CLEC2D: variants seen among roughly 807,000 people sequenced by gnomAD.
CLEC2D encodes C-type lectin related f.
In CLEC2D, 16 loss-of-function variants were observed where a neutral mutation model predicts 20.0. The observed-to-expected ratio is 0.80, with a 90% confidence interval of 0.54 to 1.22. The LOEUF is 1.22. Ranked by LOEUF, CLEC2D falls within the 50% of genes most tolerant of loss-of-function variation. CLEC2D has a pLI of 0.00. For missense variants in CLEC2D, 207 were observed against 221.5 expected (o/e 0.93, Z 0.42); for synonymous variants, 77 against 71.1 (o/e 1.08, Z -0.42).
At position 9,695,094 on chromosome 12, in the gene CLEC2D, G is replaced by A. The variant is rs913867839; in HGVS notation, c.*220G>A. 3.5e-6 allele frequency: 2 copies of A among 576,268 alleles called. No individual in the cohort carries two copies. The highest frequency in any genetic ancestry group is 1.9e-5 in the African/African-American group (1 of 53,334). The allele number at this position is 576,268 out of a possible 1,614,324, so 35.7% of individuals were successfully genotyped here. On this transcript the variant is annotated 3_prime_UTR_variant, in exon 5 of 5. Coordinates refer to ENST00000290855, the MANE Select transcript of CLEC2D (RefSeq NM_013269.6). ...CTCCCACTGCTAATGACATACCCGA[G>A]ACTGAGTAATTTATAAATAAAAGAG...
At chr12:9,680,252 G>GT (rs1216344115) in intron 1 of CLEC2D, 5 of 313,362 alleles carry the variant, frequency 1.6e-5, no homozygotes, top group Middle Eastern at 1.0e-3. Flanking sequence ...CACCATTATT[G>GT]TAAGTTTCCT....
Position 9,693,873 on chromosome 12 carries a change from G to A in CLEC2D, c.462-887G>A, listed in dbSNP as rs181196264. The A allele has an allele frequency of 1.8e-3, 770 of 422,434 alleles. 1 individual carries two copies. Among genetic ancestry groups the A allele is most frequent in the Non-Finnish European group, 2.6e-3 (547 of 212,678 alleles). 26.2% of individuals were successfully genotyped at this position (422,434 alleles called of 1,614,324 possible). On this transcript the variant is annotated intron_variant, in intron 4 of 4. Coordinates refer to ENST00000290855, the MANE Select transcript of CLEC2D (RefSeq NM_013269.6). ...CAGGCTGGAGTGCAGTAGTACCATC[G>A]TGGCTCACTGCAGCCTTGACTTCCC... is the stretch of plus-strand genomic sequence containing the variant.
Position 9,670,077 on chromosome 12 carries a change from A to C in CLEC2D, c.61+282A>C, listed in dbSNP as rs777139263. The stretch of plus-strand genomic sequence containing the variant: ...ATAACAGTTAATTTCACTAAAAAAA[A>C]ATCTATACAAACTCTAAAGTGTTAC... On this transcript the variant is annotated intron_variant, in intron 1 of 4. Transcript: ENST00000290855. 4.4e-4 allele frequency among the ~76,000 whole-genome samples: 67 copies of C among 152,308 alleles called. 1 individual carries two copies. In the South Asian group the frequency reaches 0.014, roughly 32 times the overall value.
At position 9,671,455 on chromosome 12, in the gene CLEC2D, T is replaced by C. The variant is rs1397854203; in HGVS notation, c.61+1660T>C. Among the ~76,000 whole-genome samples the C allele has an allele frequency of 4.6e-5, 7 of 152,220 alleles. No homozygotes were observed. In the South Asian group the frequency reaches 6.2e-4, roughly 14 times the overall value. On this transcript the variant is annotated intron_variant, in intron 1 of 4. Transcript: ENST00000290855. ...CAGGATGGTCTCGATCTCCTGACTT[T>C]GTGATCCGCCCGCCTCGGCCTCCCA...
intron 3 of CLEC2D, among the ~76,000 whole-genome samples, chr12:9,690,186 C>G (rs1370321646): frequency 8.6e-5 from 13 of 151,900 alleles, no homozygotes; most frequent in Non-Finnish European, 8.8e-5. Context: ...CCATGGAGAT[C>G]AGAAGGTAGT....
At chr12:9,685,492 A>G (rs1865728932) in intron 2 of CLEC2D, among the ~76,000 whole-genome samples, 1 of 152,182 alleles carries the variant, frequency 6.6e-6, no homozygotes, top group Admixed American at 6.5e-5. Context: ...TTTTATCTAT[A>G]AGCCCCTGAC....
At chr12:9,684,040 T>G (rs960807080) in intron 2 of CLEC2D, among the ~76,000 whole-genome samples, 2 of 152,210 alleles carry the variant, frequency 1.3e-5, no homozygotes, top group Admixed American at 6.5e-5. Context: ...TTGTGTCATC[T>G]CTTATTTCCT....
In CLEC2D at chr12:9,674,872, A is replaced by C. The variant is rs186722340; in HGVS notation, c.61+5077A>C. On this transcript the variant is annotated intron_variant, in intron 1 of 4. Transcript: ENST00000290855. ...ATTGTGCCTTTGGTATTATATTTAA[A>C]AAGTCATCACCATACCCAAAGTTAT... Among the ~76,000 whole-genome samples the C allele has an allele frequency of 9.2e-5, 14 of 152,328 alleles. No homozygotes were observed. The East Asian group carries it at 2.7e-3, about 29-fold the overall frequency.
intron 1 of CLEC2D, among the ~76,000 whole-genome samples, chr12:9,671,386 A>C (rs942610466): frequency 6.6e-6 from 1 of 151,904 alleles, no homozygotes; most frequent in African/African-American, 2.4e-5. Flanking sequence ...ACGCCCGGCT[A>C]CTTTTTTGTA....
At chr12:9,691,239 TTAA>T (rs1338707204) in intron 3 of CLEC2D, among the ~76,000 whole-genome samples, 1 of 152,074 alleles carries the variant, frequency 6.6e-6, no homozygotes, top group East Asian at 1.9e-4. Flanking sequence ...ATATATGTAC[TTAA>T]TAATACAGCC....
chr12:9,691,085 C>T (rs1865851886), intron 3 of CLEC2D, among the ~76,000 whole-genome samples: 1 of 152,022 alleles, frequency 6.6e-6, no homozygotes, highest in Non-Finnish European at 1.5e-5. Context: ...AAAAGATATT[C>T]CATACAAACA....
intron 4 of CLEC2D, 89 bp downstream of exon 4, chr12:9,693,020 A>G (rs1409129744): frequency 3.7e-6 from 6 of 1,611,324 alleles, no homozygotes; most frequent in African/African-American, 2.7e-5. Context: ...GCTTTAAAAA[A>G]TTCTCATTTT....
intron 3 of CLEC2D, chr12:9,688,297 G>T (rs1336520765): frequency 1.1e-5 from 11 of 971,690 alleles, no homozygotes; most frequent in Non-Finnish European, 1.3e-5. Flanking sequence ...GCAGGAACAG[G>T]CCCAGAGGGC....
At chr12:9,693,923 A>T in intron 4 of CLEC2D, 1 of 369,804 alleles carries the variant, frequency 2.7e-6, no homozygotes, top group Non-Finnish European at 5.3e-6. Context: ...CTCCCATCTC[A>T]GCCTCCTGAG....
At chr12:9,694,221 T>C (rs968467535) in intron 4 of CLEC2D, among the ~76,000 whole-genome samples, 1 of 152,168 alleles carries the variant, frequency 6.6e-6, no homozygotes, top group African/African-American at 2.4e-5. Context: ...CTAACAAGTT[T>C]CAACAATTAG....
At chr12:9,673,128 T>G (rs1303857502) in intron 1 of CLEC2D, among the ~76,000 whole-genome samples, 3 of 152,246 alleles carry the variant, frequency 2.0e-5, no homozygotes, top group African/African-American at 7.2e-5. Flanking sequence ...TGCGATCATT[T>G]GGAGGAGAAG....
intron 2 of CLEC2D, among the ~76,000 whole-genome samples, chr12:9,683,412 ATTGCTT>A (rs1191421072): frequency 7.2e-6 from 1 of 139,358 alleles, no homozygotes; most frequent in Non-Finnish European, 1.5e-5. Context: ...TTTTGTTGCA[ATTGCTT>A]TTGGTGTTTT....
intron 1 of CLEC2D, among the ~76,000 whole-genome samples, chr12:9,675,257 A>C (rs956609897): frequency 6.7e-6 from 1 of 150,126 alleles, no homozygotes; most frequent in African/African-American, 2.5e-5. Context: ...GCAGTGGCGC[A>C]ATCTCGGCTC....
rs1432665581 is a variant in CLEC2D, at chr12:9,699,547, C to G, written c.*4673C>G. ...AATAAACACTTTGAAAGGCAGTGAA[C>G]TGTAAATATATTACAGCTATCTCTT... On this transcript the variant is annotated 3_prime_UTR_variant, in exon 5 of 5. Transcript: ENST00000290855. The G allele has an allele frequency of 6.6e-6, 1 of 152,138 alleles. No individual in the cohort carries two copies. The highest frequency in any genetic ancestry group is 1.5e-5 in the Non-Finnish European group (1 of 68,014). 9.4% of individuals were successfully genotyped at this position (152,138 alleles called of 1,614,324 possible). A position where few individuals can be genotyped will look rare whatever the true frequency, so the allele number is the denominator to read the frequency against.
Sources: allele counts gnomAD v4.1 joint callset (sites outside exome capture counted in the v4.1 genomes callset), GRCh38; gene constraint gnomAD v4.1.1; transcripts MANE v1.5; gene names NCBI Gene and HGNC (gene_info 2026-07-23, HGNC 2026-07-21).